SPATA7: variants seen among roughly 807,000 people sequenced by gnomAD.
The protein encoded by SPATA7 is spermatogenesis associated 7, also known as spermatogenesis-associated protein 7.
Under a neutral mutation model 51.8 loss-of-function variants are expected in SPATA7, and 43 were observed. That is an observed-to-expected ratio of 0.83 (90% CI 0.65 to 1.07). The LOEUF (loss-of-function observed/expected upper bound fraction) is 1.07. Ranked by LOEUF, SPATA7 falls within the 50% of genes least tolerant of loss-of-function variation. SPATA7 has a pLI of 0.00. For missense variants in SPATA7, 683 were observed against 701.3 expected (o/e 0.97, Z 0.30); for synonymous variants, 230 against 252.8 (o/e 0.91, Z 0.86).
intron 4 of SPATA7, among the ~76,000 whole-genome samples, chr14:88,461,493 T>TG (rs1052408608): frequency 2.2e-4 from 33 of 152,310 alleles, no homozygotes; most frequent in Admixed American, 2.1e-3. Context: ...TCTGTGGGCG[T>TG]GGGACCCTCC....
At chr14:88,451,551 G>A (rs1328569070) in intron 3 of SPATA7, among the ~76,000 whole-genome samples, 3 of 150,026 alleles carry the variant, frequency 2.0e-5, no homozygotes, top group African/African-American at 7.4e-5. Flanking sequence ...CTTTGAAAAG[G>A]AGTCTTGCTC....
chr14:88,403,814 TG>T (rs1173375479), intron 4 of SPATA7, among the ~76,000 whole-genome samples: 1 of 152,196 alleles, frequency 6.6e-6, no homozygotes. Context: ...GAGTAAGTTC[TG>T]GAGATCTAAT....
At chr14:88,432,377 T>C (rs1047942005) in intron 9 of SPATA7, among the ~76,000 whole-genome samples, 1 of 152,206 alleles carries the variant, frequency 6.6e-6, no homozygotes, top group Admixed American at 6.5e-5. Flanking sequence ...TTCCCTTATA[T>C]TTGCTTATTC....
Position 88,401,547 on chromosome 14 carries a change from G to A in SPATA7, c.238+5344G>A, listed in dbSNP as rs181800040. ...AAAAGGCATACGAATTAGAAAGAAA[G>A]CAGTAGAGCTGGGTGTGGTGGTTCA... is the stretch of plus-strand genomic sequence containing the variant. On this transcript the variant is annotated intron_variant, in intron 4 of 11. Coordinates refer to ENST00000393545, the MANE Select transcript of SPATA7 (RefSeq NM_018418.5). 1.1e-3 allele frequency among the ~76,000 whole-genome samples: 165 copies of A among 152,200 alleles called. 2 individuals carry two copies. The East Asian group carries it at 0.023, about 21-fold the overall frequency.
chr14:88,390,768 C>T (rs951856326), intron 1 of SPATA7, among the ~76,000 whole-genome samples: 5 of 152,142 alleles, frequency 3.3e-5, no homozygotes, highest in African/African-American at 1.2e-4. Flanking sequence ...TGAGGTTTTT[C>T]TGAGAGTTTG....
intron 10 of SPATA7, among the ~76,000 whole-genome samples, chr14:88,433,532 T>C (rs1228385596): frequency 6.6e-6 from 1 of 152,192 alleles, no homozygotes; most frequent in East Asian, 1.9e-4. Context: ...CCCATTTTAC[T>C]ACCTAAAATT....
At chr14:88,438,560 C>T (rs1253386250), downstream of SPATA7, 6 of 755,964 alleles carry the variant, frequency 7.9e-6, no homozygotes, top group South Asian at 4.7e-5. Context: ...GCCTAATGTG[C>T]CACACATTTA....
chr14:88,394,875 C>G (rs554948910), intron 3 of SPATA7, among the ~76,000 whole-genome samples: 2 of 152,172 alleles, frequency 1.3e-5, no homozygotes, highest in African/African-American at 4.8e-5. Context: ...TCCCTGATTT[C>G]TAGTGATGTT....
downstream of SPATA7, among the ~76,000 whole-genome samples, chr14:88,456,008 G>T (rs2077281975): frequency 6.6e-6 from 1 of 151,626 alleles, no homozygotes; most frequent in African/African-American, 2.4e-5. Flanking sequence ...AGTTTGCTGA[G>T]AATGATGGTT....
intron 4 of SPATA7, among the ~76,000 whole-genome samples, chr14:88,415,003 A>G (rs2076437840): frequency 6.6e-6 from 1 of 152,152 alleles, no homozygotes; most frequent in South Asian, 2.1e-4. Context: ...TATGTTCCAC[A>G]TGCAGATGAG....
At chr14:88,437,234 G>A (rs962738394) in intron 10 of SPATA7, among the ~76,000 whole-genome samples, 1 of 151,394 alleles carries the variant, frequency 6.6e-6, no homozygotes, top group African/African-American at 2.4e-5. Context: ...TAAATATCGG[G>A]GTAGAGAGGC....
intron 3 of SPATA7, among the ~76,000 whole-genome samples, chr14:88,446,907 T>C (rs962303588): frequency 1.1e-4 from 16 of 152,186 alleles, no homozygotes; most frequent in African/African-American, 3.9e-4. Context: ...CTTCCAAGTA[T>C]GTGGTCAATT....
At chr14:88,385,916 T>C (rs2139846540) in intron 1 of SPATA7, 79 bp downstream of exon 1, 2 of 1,501,930 alleles carry the variant, frequency 1.3e-6, no homozygotes, top group Non-Finnish European at 1.8e-6. Context: ...TCCGGGCAGC[T>C]GAGTGCAAGG....
chr14:88,449,280 A>G (rs1465489517), intron 3 of SPATA7, among the ~76,000 whole-genome samples: 3 of 152,138 alleles, frequency 2.0e-5, no homozygotes, highest in Non-Finnish European at 4.4e-5. Context: ...TGTCACTACT[A>G]TCATTCAGTT....
At position 88,438,300 on chromosome 14, in the gene SPATA7, A is replaced by G; in HGVS notation, c.1678A>G (p.Asn560Asp). Reference sequence around the variant, plus strand: ...GATTTCAAATGGATTATGTGGTCTTAACACATCACCCTCCCAATCTGTTCA... The same window carrying G: ...GATTTCAAATGGATTATGTGGTCTTGACACATCACCCTCCCAATCTGTTCA... The part of the protein sequence containing the change: ...VEISNGLCGL[N>D]TSPSQSVQFS... The change falls in exon 12 of 12, where the codon AAC becomes GAC. Residue 560 changes from asparagine to aspartate, a missense_variant. Coordinates refer to ENST00000393545, the MANE Select transcript of SPATA7 (RefSeq NM_018418.5). 1.9e-6 allele frequency: 3 copies of G among 1,614,094 alleles called. No homozygotes were observed. The South Asian group carries it at 3.3e-5, about 18-fold the overall frequency.
At chr14:88,468,761 A>C (rs1252791352) in intron 4 of SPATA7, among the ~76,000 whole-genome samples, 1 of 152,220 alleles carries the variant, frequency 6.6e-6, no homozygotes, top group Non-Finnish European at 1.5e-5. Context: ...AGACTCTCCA[A>C]GAAGACACAG....
Position 88,469,806 on chromosome 14 carries a change from T to C in SPATA7, c.255-41T>C, listed in dbSNP as rs1275717104. 6.2e-7 allele frequency: 1 copy of C among 1,600,262 alleles called. No individual in the cohort carries two copies. Among genetic ancestry groups the C allele is most frequent in the African/African-American group, 1.3e-5 (1 of 74,744 alleles). ...GCCTTTCTCACATAGACGGCACATCTGAAACAGAACCACAACCCTACCCTG... is the reference window on the plus strand; with the variant it reads ...GCCTTTCTCACATAGACGGCACATCCGAAACAGAACCACAACCCTACCCTG... On this transcript the variant is annotated intron_variant, in intron 4 of 4. Coordinates refer to the SPATA7 transcript ENST00000556406. This position sits in a 1 kb window ranked among gnomAD's most constrained non-coding sequence, Gnocchi z 4.3.
At chr14:88,462,026 GTAT>G (rs984119119) in intron 4 of SPATA7, among the ~76,000 whole-genome samples, 21 of 152,210 alleles carry the variant, frequency 1.4e-4, no homozygotes, top group African/African-American at 4.8e-4. Context: ...TGTTGCACTG[GTAT>G]TATTTCAGTA....
rs1311103725 is a variant in SPATA7 at position 88,385,762 on chromosome 14, C to T, written c.-57C>T. On this transcript the variant is annotated 5_prime_UTR_variant, in exon 1 of 12. Coordinates refer to ENST00000393545, the MANE Select transcript of SPATA7 (RefSeq NM_018418.5). ...CCACTGCCGGGGCTGGGCCCGGCCGCGGGAAGGACCGAAGGGGATACAGCG... is the reference window on the plus strand; with the variant it reads ...CCACTGCCGGGGCTGGGCCCGGCCGTGGGAAGGACCGAAGGGGATACAGCG... 4 of 1,551,528 alleles carry T rather than the reference C, an allele frequency of 2.6e-6. No individual in the cohort carries two copies. Among genetic ancestry groups the T allele is most frequent in the Non-Finnish European group, 1.8e-6 (2 of 1,134,372 alleles).
Sources: gnomAD v4.1 joint callset for allele counts (sites outside exome capture counted in the v4.1 genomes callset) on GRCh38, gnomAD v4.1.1 for gene constraint, Gnocchi (gnomAD v3.1) non-coding constraint, MANE v1.5 for transcripts, NCBI Gene and HGNC (gene_info 2026-07-23, HGNC 2026-07-21) for gene names.